TSPAN9: variants seen among roughly 807,000 people sequenced by gnomAD.
The protein encoded by TSPAN9 is tetraspanin 9.
Under a neutral mutation model 31.0 loss-of-function variants are expected in TSPAN9, and 16 were observed. The ratio of observed to expected loss-of-function variants is 0.52; its 90% confidence interval spans 0.35 to 0.78. TSPAN9 has a LOEUF of 0.78. Among genes scored for constraint, TSPAN9 ranks in the 30% least tolerant of loss-of-function variants. The pLI, the probability that TSPAN9 is intolerant of heterozygous loss-of-function variation, is 0.01. For synonymous variants in TSPAN9, 145 were observed against 121.6 expected, an observed-to-expected ratio of 1.19 and a Z score of -1.27; for missense variants, 272 against 312.5, an observed-to-expected ratio of 0.87 and a Z score of 0.98.
At chr12:3,184,777 G>A (rs1859582602) in intron 2 of TSPAN9, among the ~76,000 whole-genome samples, 1 of 152,066 alleles carries the variant, frequency 6.6e-6, no homozygotes, top group Admixed American at 6.5e-5. Flanking sequence ...CGGAGTTCCT[G>A]TTCTGTGCGT....
intron 2 of TSPAN9, among the ~76,000 whole-genome samples, chr12:3,092,451 C>CT (rs2153963347): frequency 6.6e-6 from 1 of 152,306 alleles, no homozygotes; most frequent in Non-Finnish European, 1.5e-5. Context: ...CTACAAATGT[C>CT]TATTTCTGTT....
At chr12:3,089,587 G>A (rs567467100) in intron 2 of TSPAN9, among the ~76,000 whole-genome samples, 34 of 152,040 alleles carry the variant, frequency 2.2e-4, no homozygotes, top group Non-Finnish European at 4.3e-4. Flanking sequence ...GAGCCACTGC[G>A]CCTGGTCTCA....
At chr12:3,245,532 G>A (rs116549884) in intron 3 of TSPAN9, among the ~76,000 whole-genome samples, 276 of 152,314 alleles carry the variant, frequency 1.8e-3, no homozygotes, top group African/African-American at 6.0e-3. Context: ...ATATGACCTC[G>A]GAACATCTCC....
intron 2 of TSPAN9, among the ~76,000 whole-genome samples, chr12:3,087,483 C>T (rs751520347): frequency 6.6e-6 from 1 of 151,680 alleles, no homozygotes; most frequent in Non-Finnish European, 1.5e-5. Flanking sequence ...CACTGCACTC[C>T]GGGCTGGGTG....
At chr12:3,180,375 A>G (rs1278680513) in intron 2 of TSPAN9, among the ~76,000 whole-genome samples, 2 of 152,058 alleles carry the variant, frequency 1.3e-5, no homozygotes, top group Non-Finnish European at 1.5e-5. Context: ...CTGTAGTTCT[A>G]GCTACTCAGG....
At chr12:3,137,471 A>T (rs1004500670) in intron 2 of TSPAN9, among the ~76,000 whole-genome samples, 2 of 152,166 alleles carry the variant, frequency 1.3e-5, no homozygotes, top group Non-Finnish European at 2.9e-5. Flanking sequence ...TTTCCAGCTG[A>T]CACAGCCCTT....
chr12:3,230,766 T>G (rs1196704803), intron 3 of TSPAN9, among the ~76,000 whole-genome samples: 2 of 152,092 alleles, frequency 1.3e-5, no homozygotes, highest in African/African-American at 4.8e-5. Context: ...ACCCCCGTTC[T>G]CATCCACATG....
Position 3,180,223 on chromosome 12 carries a change from A to G in TSPAN9, c.-17-20954A>G, listed in dbSNP as rs181576523. Reference sequence around the variant, plus strand: ...GGTGTTTTCTGTTTTATTTTTAAAAAATACTCTTCTGGGCTCGGCACAGTG... The same window carrying G: ...GGTGTTTTCTGTTTTATTTTTAAAAGATACTCTTCTGGGCTCGGCACAGTG... On this transcript the variant is annotated intron_variant, in intron 2 of 8. Transcript: ENST00000011898. Among the ~76,000 whole-genome samples the G allele has an allele frequency of 2.8e-4, 43 of 152,318 alleles. No homozygotes were observed. In the East Asian group the frequency reaches 7.9e-3, roughly 28 times the overall value.
chr12:3,177,906 G>T (rs1272553126), intron 2 of TSPAN9, among the ~76,000 whole-genome samples: 1 of 152,128 alleles, frequency 6.6e-6, no homozygotes, highest in Non-Finnish European at 1.5e-5. Flanking sequence ...CAGTGTCCTC[G>T]TCCGCCAGGG....
chr12:3,210,350 G>T (rs574768765), intron 3 of TSPAN9, among the ~76,000 whole-genome samples: 46 of 152,206 alleles, frequency 3.0e-4, no homozygotes, highest in Non-Finnish European at 2.9e-4. Flanking sequence ...ATGGTTTTTG[G>T]CATTCTCCAG....
chr12:3,112,342 A>G (rs565959458), intron 2 of TSPAN9, among the ~76,000 whole-genome samples: 1 of 151,450 alleles, frequency 6.6e-6, no homozygotes, highest in African/African-American at 2.4e-5. Flanking sequence ...ATGCCCGGCT[A>G]ATTTTGTAGT....
At chr12:3,156,658 C>T (rs2153969051) in intron 2 of TSPAN9, among the ~76,000 whole-genome samples, 1 of 152,258 alleles carries the variant, frequency 6.6e-6, no homozygotes, top group East Asian at 1.9e-4. Flanking sequence ...CAGGCATGCG[C>T]CACCACAACT....
In TSPAN9 at chr12:3,260,150, T is replaced by A. The variant is rs117940037; in HGVS notation, c.64-18271T>A. Among the ~76,000 whole-genome samples the A allele has an allele frequency of 2.2e-4, 34 of 152,380 alleles. 2 individuals carry two copies. The East Asian group carries it at 6.6e-3, about 29-fold the overall frequency. ...TCCCAGGCAGGGCTGCCCACTCCGC[T>A]CAACGGGAGTCAGATGGGGGTGGCC... is the stretch of plus-strand genomic sequence containing the variant. On this transcript the variant is annotated intron_variant, in intron 3 of 8. Coordinates refer to ENST00000011898, the MANE Select transcript of TSPAN9 (RefSeq NM_006675.5).
Position 3,147,168 on chromosome 12 carries a change from CA to C in TSPAN9, c.-17-54008del, listed in dbSNP as rs541854483. ...TTGAGTTTAGGGTGGAGACTGGAAG[CA>C]GGGGAGCCCTGGCCCTCTGCAGGTC... On this transcript the variant is annotated intron_variant, in intron 2 of 8. Coordinates refer to ENST00000011898, the MANE Select transcript of TSPAN9 (RefSeq NM_006675.5). The surrounding 1 kb of genome is among the most constrained non-coding windows in gnomAD (Gnocchi z 4.3). 1.1e-4 allele frequency among the ~76,000 whole-genome samples: 17 copies of C among 152,088 alleles called. No individual in the cohort carries two copies. Among genetic ancestry groups the C allele is most frequent in the Non-Finnish European group, 2.2e-4 (15 of 68,006 alleles).
intron 3 of TSPAN9, among the ~76,000 whole-genome samples, chr12:3,228,091 G>A (rs1379275571): frequency 3.9e-5 from 6 of 152,186 alleles, no homozygotes; most frequent in African/African-American, 1.2e-4. Context: ...GCTCATGTCT[G>A]TAATCCCATC....
At chr12:3,240,077 A>G (rs1224094840) in intron 3 of TSPAN9, among the ~76,000 whole-genome samples, 1 of 152,054 alleles carries the variant, frequency 6.6e-6, no homozygotes, top group East Asian at 1.9e-4. Flanking sequence ...ATTCACAAAA[A>G]TAAAGCACAT....
intron 2 of TSPAN9, among the ~76,000 whole-genome samples, chr12:3,117,984 G>A (rs1222989099): frequency 6.6e-6 from 1 of 152,126 alleles, no homozygotes; most frequent in Non-Finnish European, 1.5e-5. Context: ...AAGAGGCAGT[G>A]CAGGGAGGTG....
intron 3 of TSPAN9, among the ~76,000 whole-genome samples, chr12:3,256,984 G>C (rs1322038831): frequency 1.3e-5 from 2 of 152,164 alleles, no homozygotes; most frequent in Admixed American, 6.5e-5. Context: ...TATCGAGGGT[G>C]AGTTGGGTGA....
At chr12:3,140,748 G>A (rs532833894) in intron 2 of TSPAN9, among the ~76,000 whole-genome samples, 16 of 152,188 alleles carry the variant, frequency 1.1e-4, no homozygotes, top group Admixed American at 9.8e-4. Context: ...GGGTGTGGGG[G>A]CCCACAGGGA....
Sources: gnomAD v4.1 joint callset for allele counts (sites outside exome capture counted in the v4.1 genomes callset) on GRCh38, gnomAD v4.1.1 for gene constraint, Gnocchi (gnomAD v3.1) non-coding constraint, MANE v1.5 for transcripts, NCBI Gene and HGNC (gene_info 2026-07-23, HGNC 2026-07-21) for gene names.